EYS: variants seen among roughly 807,000 people sequenced by gnomAD.
EYS encodes EGF-like photoreceptor maintenance factor.
In EYS, 250 loss-of-function variants were observed where a neutral mutation model predicts 282.1. The ratio of observed to expected loss-of-function variants is 0.89; its 90% CI spans 0.80 to 0.98. The LOEUF is 0.98. Among genes scored for constraint, EYS ranks in the 50% least tolerant of loss-of-function variants. The pLI, the probability that EYS is intolerant of heterozygous loss-of-function variation, is 0.00. For synonymous variants in EYS, 1,355 were observed against 1,282.9 expected (o/e 1.06, Z -1.20); for missense variants, 4,016 against 3,709.0 (o/e 1.08, Z -2.15).
At chr6:63,742,293 A>G (rs1013157601) in intron 41 of EYS, among the ~76,000 whole-genome samples, 1 of 152,000 alleles carries the variant, frequency 6.6e-6, no homozygotes. Flanking sequence ...CCCAGCTGCT[A>G]TACCTCTGGC....
In EYS at chr6:65,031,161, A is replaced by T. The variant is rs929875479; in HGVS notation, c.2137+26453T>A. ...TTATATTTTATATATATATATATAC[A>T]CACACACGCACATACACACACACAC... is the stretch of plus-strand genomic sequence containing the variant. On this transcript the variant is annotated intron_variant, in intron 13 of 42. Coordinates refer to ENST00000503581, the MANE Select transcript of EYS (RefSeq NM_001142800.2). 7.9e-5 allele frequency among the ~76,000 whole-genome samples: 11 copies of T among 139,022 alleles called. No homozygotes were observed. In the East Asian group the frequency reaches 1.2e-3, roughly 15 times the overall value. 91.2% of individuals were successfully genotyped at this position (139,022 alleles called of 152,430 possible). A position where few individuals can be genotyped will look rare whatever the true frequency, so the allele number is the denominator to read the frequency against.
At chr6:64,854,570 C>T (rs1166595720) in intron 19 of EYS, among the ~76,000 whole-genome samples, 6 of 126,222 alleles carry the variant, frequency 4.8e-5, no homozygotes, top group African/African-American at 1.9e-4. Context: ...GGAAGGGGAA[C>T]ATCACACACG....
chr6:64,449,544 C>A (rs551219598), intron 26 of EYS, among the ~76,000 whole-genome samples: 2,610 of 152,094 alleles, frequency 0.017, 65 homozygotes, highest in African/African-American at 0.059. Context: ...AACTCCAAGA[C>A]ACATAATTGT....
chr6:64,514,214 A>G (rs1777494428), intron 26 of EYS, among the ~76,000 whole-genome samples: 1 of 151,788 alleles, frequency 6.6e-6, no homozygotes, highest in Non-Finnish European at 1.5e-5. Flanking sequence ...TATGTGCCCT[A>G]GACCTACCTC....
chr6:64,113,405 A>G (rs971440227), intron 31 of EYS, among the ~76,000 whole-genome samples: 1 of 152,204 alleles, frequency 6.6e-6, no homozygotes, highest in Non-Finnish European at 1.5e-5. Flanking sequence ...ATGTAAAATG[A>G]GAAGCACATT....
chr6:64,886,733 C>G lies in EYS; in HGVS notation c.2956G>C (p.Asp986His). 1 of 1,546,624 alleles carries G rather than the reference C, an allele frequency of 6.5e-7. No individual in the cohort carries two copies. The highest frequency in any genetic ancestry group is 8.7e-7 in the Non-Finnish European group (1 of 1,144,360). Residue 986 changes from aspartate to histidine, a missense_variant, in exon 19 of 43, where the codon GAT becomes CAT. By Grantham distance (81) the Asp-to-His change is moderately conservative. Coordinates refer to ENST00000503581, the MANE Select transcript of EYS (RefSeq NM_001142800.2). ...LDEENCVYRT[D>H]GYNCLCAPGY... ...GGGGCACAGAGGCAGTTGTATCCAT[C>G]AGTCCTGTAGACACAATTTTCTTCA...
intron 24 of EYS, among the ~76,000 whole-genome samples, chr6:64,603,976 T>C (rs2149839723): frequency 6.6e-6 from 1 of 151,946 alleles, no homozygotes; most frequent in South Asian, 2.1e-4. Flanking sequence ...TATTCTTTTC[T>C]TCCCTTATGA....
intron 18 of EYS, among the ~76,000 whole-genome samples, chr6:64,893,154 A>G (rs1009294285): frequency 6.6e-6 from 1 of 152,074 alleles, no homozygotes; most frequent in East Asian, 1.9e-4. Context: ...CATTAGTTGC[A>G]TGGGATAACA....
At chr6:64,502,487 G>A (rs1427572979) in intron 26 of EYS, among the ~76,000 whole-genome samples, 1 of 152,282 alleles carries the variant, frequency 6.6e-6, no homozygotes. Context: ...TCCCAAAAGT[G>A]CTGGGATTAC....
intron 2 of EYS, among the ~76,000 whole-genome samples, chr6:65,525,629 CAG>C (rs1767526678): frequency 6.6e-6 from 1 of 152,212 alleles, no homozygotes; most frequent in Admixed American, 6.5e-5. Context: ...ATCAGCAACA[CAG>C]AGTACGGCAT....
At chr6:64,997,455 T>C (rs1167022856) in intron 14 of EYS, 127 bp downstream of exon 14, 3 of 845,850 alleles carry the variant, frequency 3.5e-6, no homozygotes, top group Non-Finnish European at 5.1e-6. Context: ...TTTTCTAACC[T>C]TGAGAAGTAA....
At chr6:65,288,131 A>C (rs1378838387) in intron 12 of EYS, among the ~76,000 whole-genome samples, 1 of 151,190 alleles carries the variant, frequency 6.6e-6, no homozygotes, top group Non-Finnish European at 1.5e-5. Flanking sequence ...TAAATTCGTT[A>C]AATATCTTTA....
At chr6:64,286,383 T>C (rs539283686) in intron 30 of EYS, among the ~76,000 whole-genome samples, 36 of 152,342 alleles carry the variant, frequency 2.4e-4, no homozygotes, top group Admixed American at 2.2e-3. Flanking sequence ...TTTAATTTCC[T>C]ATCAATTGTC....
rs575212847 is a variant in EYS at position 65,522,991 on chromosome 6, A to G, written c.-332-26998T>C. On this transcript the variant is annotated intron_variant, in intron 2 of 42. Coordinates refer to ENST00000503581, the MANE Select transcript of EYS (RefSeq NM_001142800.2). ...TGTGTTCAAATAGTTTCAATTTTTAATTTAATATCTGATTATTTTGTGAGA... is the reference window on the plus strand; with the variant it reads ...TGTGTTCAAATAGTTTCAATTTTTAGTTTAATATCTGATTATTTTGTGAGA... Among the ~76,000 whole-genome samples, 3 of 152,298 alleles carry G rather than the reference A, an allele frequency of 2.0e-5. No homozygotes were observed. In the South Asian group the frequency reaches 6.2e-4, roughly 32 times the overall value.
intron 31 of EYS, among the ~76,000 whole-genome samples, chr6:64,117,096 T>C (rs1410804909): frequency 1.3e-5 from 2 of 152,066 alleles, no homozygotes; most frequent in South Asian, 2.1e-4. Flanking sequence ...GAATATTGCA[T>C]ACAACAGTTG....
intron 2 of EYS, among the ~76,000 whole-genome samples, chr6:65,633,353 G>A (rs780249614): frequency 6.6e-6 from 1 of 152,170 alleles, no homozygotes; most frequent in African/African-American, 2.4e-5. Flanking sequence ...GGAAAGAAAA[G>A]CTCAATGTAT....
At chr6:64,517,603 A>G (rs1244513044) in intron 26 of EYS, among the ~76,000 whole-genome samples, 1 of 151,796 alleles carries the variant, frequency 6.6e-6, no homozygotes, top group Non-Finnish European at 1.5e-5. Flanking sequence ...CAAAGTGGAG[A>G]GCTCAGTTAG....
At chr6:64,654,500 A>G (rs532677737) in intron 22 of EYS, among the ~76,000 whole-genome samples, 1 of 152,322 alleles carries the variant, frequency 6.6e-6, no homozygotes, top group South Asian at 2.1e-4. Flanking sequence ...ATGCCCTCTG[A>G]GGAAGTGATT....
At chr6:65,564,547 G>A (rs902238079) in intron 2 of EYS, among the ~76,000 whole-genome samples, 1 of 152,068 alleles carries the variant, frequency 6.6e-6, no homozygotes, top group Non-Finnish European at 1.5e-5. Flanking sequence ...TTAATAAATG[G>A]TGTTGGGAAA....
Sources: gnomAD v4.1 joint callset for allele counts (sites outside exome capture counted in the v4.1 genomes callset) on GRCh38, gnomAD v4.1.1 for gene constraint, MANE v1.5 for transcripts, NCBI Gene and HGNC (gene_info 2026-07-23, HGNC 2026-07-21) for gene names.